Variants in SYNE2 observed in about 807,000 individuals in gnomAD.
SYNE2 encodes spectrin repeat containing nuclear envelope protein 2, also known as nesprin-2.
SYNE2 carries 431 observed loss-of-function variants against 856.3 expected under a neutral mutation model. The observed-to-expected ratio is 0.50, with a 90% CI of 0.47 to 0.55. The LOEUF (loss-of-function observed/expected upper bound fraction) is 0.55, where lower values mean the gene tolerates loss of function less well. Ranked by LOEUF, SYNE2 falls within the 20% of genes least tolerant of loss-of-function variation. The pLI is 0.00. For missense variants in SYNE2, 8,129 were observed against 8,023.2 expected (o/e 1.01, Z -0.50); for synonymous variants, 2,923 against 2,872.3 (o/e 1.02, Z -0.56).
rs1454907513 is a variant in SYNE2 at position 64,214,189 on chromosome 14, T to G, written c.19057-5T>G. On this transcript the variant is annotated splice_region_variant and splice_polypyrimidine_tract_variant and intron_variant, in intron 105 of 115. Transcript: ENST00000555002. ...TAATTCTAACAACTGGATACTGTGG[T>G]TTAGGGCTTGGAAGATGAAAAGGAG... 8.7e-6 allele frequency: 14 copies of G among 1,614,092 alleles called. No individual in the cohort carries two copies. The highest frequency in any genetic ancestry group is 1.2e-5 in the Non-Finnish European group (14 of 1,180,024).
intron 1 of SYNE2, among the ~76,000 whole-genome samples, chr14:63,766,197 G>A (rs1457079253): frequency 2.0e-5 from 3 of 151,438 alleles, no homozygotes; most frequent in Non-Finnish European, 2.9e-5. Flanking sequence ...TCCTGCCTCA[G>A]CCTCCCGAGT....
chr14:63,798,252 G>T (rs1887998181), intron 1 of SYNE2, among the ~76,000 whole-genome samples: 1 of 152,020 alleles, frequency 6.6e-6, no homozygotes, highest in Non-Finnish European at 1.5e-5. Flanking sequence ...GTCTCACTAT[G>T]TTGCCCAGGA....
chr14:64,183,077 G>C (rs1276496542), intron 96 of SYNE2, among the ~76,000 whole-genome samples: 2 of 148,434 alleles, frequency 1.3e-5, no homozygotes, highest in Non-Finnish European at 3.0e-5. Flanking sequence ...TCACTTCCCG[G>C]ACGGGGCGGC....
chr14:63,766,355 C>T (rs899891709), intron 1 of SYNE2, among the ~76,000 whole-genome samples: 9 of 152,294 alleles, frequency 5.9e-5, no homozygotes, highest in African/African-American at 1.7e-4. Flanking sequence ...GCTGGGATTG[C>T]AGGCATGAGC....
intron 99 of SYNE2, among the ~76,000 whole-genome samples, chr14:64,193,792 A>G (rs1268942289): frequency 6.6e-6 from 1 of 152,010 alleles, no homozygotes; most frequent in Non-Finnish European, 1.5e-5. Context: ...GAGGAAACCA[A>G]CATTGCTTAT....
Position 64,129,854 on chromosome 14 carries a change from A to G in SYNE2, c.14092A>G (p.Arg4698Gly). Residue 4698 changes from arginine to glycine, a missense_variant, in exon 75 of 116, where the codon AGG becomes GGG. Arg to Gly is a moderately radical substitution (Grantham distance 125). Transcript: ENST00000555002. ...RVAKLRDEGE[R>G]LHLPYALLQE... ...GGCCAAACTAAGAGATGAAGGGGAG[A>G]GGCTTCATTTACCTTATGCTTTACT... is the stretch of plus-strand genomic sequence containing the variant. 1 of 1,614,126 alleles carries G rather than the reference A, an allele frequency of 6.2e-7. No individual in the cohort carries two copies. Among genetic ancestry groups the G allele is most frequent in the Non-Finnish European group, 8.5e-7 (1 of 1,180,018 alleles).
At chr14:63,987,661 C>T (rs1368530113) in intron 19 of SYNE2, among the ~76,000 whole-genome samples, 3 of 151,832 alleles carry the variant, frequency 2.0e-5, no homozygotes, top group Admixed American at 1.3e-4. Flanking sequence ...ATCTATCATG[C>T]CATCTCATCT....
chr14:64,144,812 G>A (rs544039951), intron 83 of SYNE2, among the ~76,000 whole-genome samples: 71 of 151,514 alleles, frequency 4.7e-4, no homozygotes, highest in African/African-American at 1.6e-3. Context: ...TGCACAGAGT[G>A]TTCAATTCAG....
chr14:63,772,332 C>T (rs551882820), intron 1 of SYNE2, among the ~76,000 whole-genome samples: 5 of 152,072 alleles, frequency 3.3e-5, no homozygotes, highest in South Asian at 2.1e-4. Flanking sequence ...CCAGCCTGGG[C>T]GGCAGAATGA....
At chr14:63,837,449 C>A (rs1450255786) in intron 1 of SYNE2, among the ~76,000 whole-genome samples, 2 of 152,148 alleles carry the variant, frequency 1.3e-5, no homozygotes, top group Non-Finnish European at 2.9e-5. Flanking sequence ...ATAAATTGGA[C>A]TTTATCAAAA....
chr14:63,998,083 A>T (rs1006849597), intron 25 of SYNE2, 136 bp from the exon 26 acceptor site: 1 of 728,618 alleles, frequency 1.4e-6, no homozygotes, highest in Non-Finnish European at 2.5e-6. Flanking sequence ...GAGCTGAGAC[A>T]TCTCAAAGAA....
intron 115 of SYNE2, 35 bp downstream of exon 115, chr14:64,225,080 C>T: frequency 6.2e-7 from 1 of 1,609,188 alleles, no homozygotes; most frequent in Non-Finnish European, 8.5e-7. Context: ...AGTGCGTTCC[C>T]CTGCTCCACA....
In SYNE2 at chr14:64,090,939, T is replaced by C. The variant is rs746480532; in HGVS notation, c.11867T>C (p.Leu3956Ser). The change falls in exon 60 of 116, where the codon TTG becomes TCG. Residue 3956 changes from leucine to serine, a missense_variant. By Grantham distance (145) the Leu-to-Ser change is moderately radical. Coordinates refer to ENST00000555002, the MANE Select transcript of SYNE2 (RefSeq NM_182914.3). ...EIVSYQVELR[L>S]PQTGMKPLPV... ...GTGTCTTACCAAGTGGAACTGAGGT[T>C]GCCCCAAACAGGAATGAAACCTCTG... The C allele has an allele frequency of 5.0e-6, 8 of 1,614,042 alleles. No homozygotes were observed. In the African/African-American group the frequency reaches 9.3e-5, roughly 19 times the overall value.
At position 64,066,744 on chromosome 14, in the gene SYNE2, A is replaced by G. The variant is rs555982496; in HGVS notation, c.10431+1094A>G. On this transcript the variant is annotated intron_variant, in intron 51 of 115. Coordinates refer to ENST00000555002, the MANE Select transcript of SYNE2 (RefSeq NM_182914.3). Reference sequence around the variant, plus strand: ...TAGTGGTACCATTTATTGAGTTACTATGCTGTGCTGAGAAGGCAGTTCACA... The same window carrying G: ...TAGTGGTACCATTTATTGAGTTACTGTGCTGTGCTGAGAAGGCAGTTCACA... Among the ~76,000 whole-genome samples the G allele has an allele frequency of 2.0e-5, 3 of 152,326 alleles. No individual in the cohort carries two copies. The South Asian group carries it at 6.2e-4, about 32-fold the overall frequency.
At chr14:63,803,812 A>AT (rs1431430011) in intron 1 of SYNE2, among the ~76,000 whole-genome samples, 1 of 152,234 alleles carries the variant, frequency 6.6e-6, no homozygotes, top group African/African-American at 2.4e-5. Context: ...GACTGCCAGC[A>AT]TGCTGTCACC....
At chr14:64,099,184 C>A in intron 63 of SYNE2, 1 of 290,918 alleles carries the variant, frequency 3.4e-6, no homozygotes, top group South Asian at 3.6e-5. Flanking sequence ...TACTCTTTTG[C>A]TCTAAAACAG....
intron 111 of SYNE2, 67 bp downstream of exon 111, chr14:64,220,704 A>G (rs964024474): frequency 3.3e-5 from 52 of 1,557,180 alleles, no homozygotes; most frequent in Admixed American, 2.6e-4. Flanking sequence ...AGCAGCAGAT[A>G]TTTTTATCAT....
In SYNE2 at chr14:63,957,909, A is replaced by G. The variant is rs1214318068; in HGVS notation, c.787+2994A>G. Reference sequence around the variant, plus strand: ...TGCTCACTCTTCTTGATGGCAGATTATACATATAAAGTATTTGAAGTTCTG... The same window carrying G: ...TGCTCACTCTTCTTGATGGCAGATTGTACATATAAAGTATTTGAAGTTCTG... On this transcript the variant is annotated intron_variant, in intron 8 of 115. Coordinates refer to ENST00000555002, the MANE Select transcript of SYNE2 (RefSeq NM_182914.3). Among the ~76,000 whole-genome samples the G allele has an allele frequency of 2.0e-5, 3 of 152,086 alleles. No homozygotes were observed. The East Asian group carries it at 5.8e-4, about 29-fold the overall frequency.
chr14:63,948,531 G>A (rs1453756916), intron 6 of SYNE2, among the ~76,000 whole-genome samples: 4 of 151,070 alleles, frequency 2.6e-5, no homozygotes, highest in African/African-American at 9.7e-5. Context: ...GAGTGGTGGC[G>A]TGCGCCTGTA....
Sources: gnomAD v4.1 joint callset for allele counts (sites outside exome capture counted in the v4.1 genomes callset) on GRCh38, gnomAD v4.1.1 for gene constraint, MANE v1.5 for transcripts, NCBI Gene and HGNC (gene_info 2026-07-23, HGNC 2026-07-21) for gene names.